ASXL2: variants seen among roughly 807,000 people sequenced by gnomAD.
ASXL2 encodes ASXL transcriptional regulator 2.
Under a neutral mutation model 122.0 loss-of-function variants are expected in ASXL2, and 23 were observed. The observed-to-expected ratio is 0.19, with a 90% CI of 0.14 to 0.27. The LOEUF (loss-of-function observed/expected upper bound fraction) is 0.27, where lower values mean the gene tolerates loss of function less well. Among genes scored for constraint, ASXL2 ranks in the 10% least tolerant of loss-of-function variants. The probability of loss-of-function intolerance (pLI) is 1.00; values close to 1 mark genes in which losing one functional copy is unlikely to be tolerated. For missense variants in ASXL2, 1,518 were observed against 1,713.8 expected (o/e 0.89, Z 2.02); for synonymous variants, 650 against 637.0 (o/e 1.02, Z -0.31).
At position 25,878,430 on chromosome 2, in the gene ASXL2, C is replaced by CTGCTACCGCCGCTGCCAT; in HGVS notation, c.-226_-209dup. On this transcript the variant is annotated 5_prime_UTR_variant, in exon 1 of 13. It adds an upstream start codon to the 5' untranslated region. Coordinates refer to ENST00000435504, the MANE Select transcript of ASXL2 (RefSeq NM_018263.6). ...GCCGGTCCTCTTGCTGCCGTTGCCA[C>CTGCTACCGCCGCTGCCAT]TGCTACCGCCGCTGCCATATTGGGT... 1.7e-6 allele frequency: 1 copy of CTGCTACCGCCGCTGCCAT among 597,240 alleles called. No individual in the cohort carries two copies. The highest frequency in any genetic ancestry group is 3.0e-5 in the Admixed American group (1 of 33,374). 37.0% of individuals were successfully genotyped at this position (597,240 alleles called of 1,614,324 possible).
chr2:25,778,503 GCTCA>G (rs2088582793), intron 5 of ASXL2, among the ~76,000 whole-genome samples: 1 of 152,140 alleles, frequency 6.6e-6, no homozygotes, highest in Non-Finnish European at 1.5e-5. Flanking sequence ...TGCTTAAGCC[GCTCA>G]CTGTGTGATA....
chr2:25,833,593 G>C (rs2089478093), intron 3 of ASXL2, among the ~76,000 whole-genome samples: 2 of 152,120 alleles, frequency 1.3e-5, no homozygotes, highest in South Asian at 4.1e-4. Flanking sequence ...TTACTCAGGT[G>C]GCTGAGGCAG....
chr2:25,770,720 G>A (rs114144984), intron 6 of ASXL2, among the ~76,000 whole-genome samples: 3,717 of 152,034 alleles, frequency 0.024, 63 homozygotes, highest in African/African-American at 0.044. Context: ...GCGAAACTCC[G>A]TCTCAAAAAA....
intron 11 of ASXL2, among the ~76,000 whole-genome samples, chr2:25,750,881 C>T (rs1021412161): frequency 3.4e-4 from 51 of 152,156 alleles, no homozygotes; most frequent in Non-Finnish European, 1.3e-4. Flanking sequence ...TTGTGGTCAA[C>T]TCTTCTCTGC....
At chr2:25,854,893 G>A (rs1559529334) in intron 1 of ASXL2, among the ~76,000 whole-genome samples, 1 of 152,120 alleles carries the variant, frequency 6.6e-6, no homozygotes, top group Non-Finnish European at 1.5e-5. Flanking sequence ...TGCTGCCAGT[G>A]TCTGTCTTGA....
At chr2:25,869,139 TGG>T (rs1277711393) in intron 1 of ASXL2, among the ~76,000 whole-genome samples, 1 of 143,834 alleles carries the variant, frequency 7.0e-6, no homozygotes, top group Non-Finnish European at 1.5e-5. Context: ...CACTCCAGCC[TGG>T]GGGACAAGAA....
In ASXL2 at chr2:25,878,330, AAAGGG is replaced by A. The variant is rs1461305352; in HGVS notation, c.-113_-109del. The A allele has an allele frequency of 7.9e-7, 1 of 1,263,146 alleles. No individual in the cohort carries two copies. The highest frequency in any genetic ancestry group is 1.1e-6 in the Non-Finnish European group (1 of 885,854). 78.2% of individuals were successfully genotyped at this position (1,263,146 alleles called of 1,614,324 possible). On this transcript the variant is annotated 5_prime_UTR_variant, in exon 1 of 13. Coordinates refer to ENST00000435504, the MANE Select transcript of ASXL2 (RefSeq NM_018263.6). ...CCGCGGTGCCGGGAAAGGTGGGAGA[AAAGGG>A]AAGTCAGACCGGGGGGGCACCCAAG...
Position 25,742,478 on chromosome 2 carries a change from C to T in ASXL2, c.3859G>A (p.Glu1287Lys), listed in dbSNP as rs756290348. Residue 1287 changes from glutamate to lysine, a missense_variant, in exon 13 of 13, where the codon GAG (glutamate) becomes AAG (lysine). Physicochemically the swap from Glu to Lys is moderately conservative, Grantham distance 56. Coordinates refer to ENST00000435504, the MANE Select transcript of ASXL2 (RefSeq NM_018263.6). ...GGAAGAACAGTAGAACTGAAAAGCTCGGGGCTGCTACGGATTGCCTTACCT... is the reference window on the plus strand; with the variant it reads ...GGAAGAACAGTAGAACTGAAAAGCTTGGGGCTGCTACGGATTGCCTTACCT... ...VRGKAIRSSP[E>K]LFSSTVLPLP... is the part of the protein sequence containing the mutation. 1.6e-5 allele frequency: 26 copies of T among 1,613,370 alleles called. No individual in the cohort carries two copies. Among genetic ancestry groups the T allele is most frequent in the East Asian group, 2.2e-5 (1 of 44,866 alleles).
rs377352572 is a variant in ASXL2 at position 25,742,892 on chromosome 2, G to C, written c.3445C>G (p.Arg1149Gly). 6 of 1,613,910 alleles carry C rather than the reference G, an allele frequency of 3.7e-6. No homozygotes were observed. Among genetic ancestry groups the C allele is most frequent in the Admixed American group, 1.7e-5 (1 of 60,014 alleles). ...TCAGTGGGGCTGCTTAGACAAAAAC[G>C]ATCTTCAGGGTTTACAGAATGGGTC... ...RRTHSVNPED[R>G]FCLSSPTEAL... The change falls in exon 13 of 13, where the codon CGT becomes GGT. Residue 1149 changes from arginine (R) to glycine (G), a missense_variant. Arg to Gly is a moderately radical substitution (Grantham distance 125). Coordinates refer to ENST00000435504, the MANE Select transcript of ASXL2 (RefSeq NM_018263.6).
chr2:25,836,074 T>A (rs2089507494), intron 2 of ASXL2, among the ~76,000 whole-genome samples: 2 of 152,170 alleles, frequency 1.3e-5, no homozygotes, highest in African/African-American at 4.8e-5. Context: ...CCTACCAGGT[T>A]TGTGGGCTTG....
At chr2:25,797,954 T>C (rs1224824998) in intron 5 of ASXL2, among the ~76,000 whole-genome samples, 2 of 152,242 alleles carry the variant, frequency 1.3e-5, no homozygotes, top group Non-Finnish European at 2.9e-5. Context: ...AGCAGCTTTA[T>C]TCATAATTGC....
At chr2:25,827,184 C>G (rs892820533) in intron 3 of ASXL2, among the ~76,000 whole-genome samples, 2 of 152,036 alleles carry the variant, frequency 1.3e-5, no homozygotes, top group African/African-American at 4.8e-5. Context: ...ATTGTATCTA[C>G]AATCTTTCAT....
chr2:25,856,662 A>G, intron 1 of ASXL2: 1 of 1,264,688 alleles, frequency 7.9e-7, no homozygotes. Flanking sequence ...GTGGTGGCTC[A>G]CCATCAACCC....
In ASXL2 at chr2:25,744,309, A is replaced by G. The variant is rs988264571; in HGVS notation, c.2028T>C (p.Ala676=). 1.9e-6 allele frequency: 3 copies of G among 1,610,926 alleles called. No homozygotes were observed. Among genetic ancestry groups the G allele is most frequent in the Non-Finnish European group, 1.7e-6 (2 of 1,179,008 alleles). ...AGGCGGCTGCAGCAGCTGCGGCGGCAGCGGCAGCTGCTGCCCTCTGTGCTT... is the reference window on the plus strand; with the variant it reads ...AGGCGGCTGCAGCAGCTGCGGCGGCGGCGGCAGCTGCTGCCCTCTGTGCTT... ...LVKAQRAAAA[A]AAAAAAAASV... is the part of the protein sequence containing the mutation. The change falls in exon 13 of 13, where the codon GCT becomes GCC. Residue 676 remains alanine, a synonymous_variant. Transcript: ENST00000435504. This position sits in a 1 kb window ranked among gnomAD's most constrained non-coding sequence, Gnocchi z 4.7.
At chr2:25,862,576 G>A (rs1403533116) in intron 1 of ASXL2, among the ~76,000 whole-genome samples, 2 of 152,074 alleles carry the variant, frequency 1.3e-5, no homozygotes, top group Non-Finnish European at 1.5e-5. Flanking sequence ...AGGTGTTAAG[G>A]ATAAAGAATA....
intron 1 of ASXL2, among the ~76,000 whole-genome samples, chr2:25,850,418 G>C (rs1282480771): frequency 2.6e-5 from 4 of 152,162 alleles, no homozygotes; most frequent in Admixed American, 2.0e-4. Flanking sequence ...AAACTGTATT[G>C]TAGTTACACA....
At position 25,743,250 on chromosome 2, in the gene ASXL2, G is replaced by T; in HGVS notation, c.3087C>A (p.Leu1029=). ...GCTGAAGGGGCCTTGGAACCTGGGG[G>T]AGCTGCTTACTTTGCAAGGTTTTGC... The part of the protein sequence containing the change: ...QLGKTLQSKQ[L]PQVPRPLQLF... Residue 1029 remains leucine, a synonymous_variant, in exon 13 of 13, where the codon CTC becomes CTA. Coordinates refer to ENST00000435504, the MANE Select transcript of ASXL2 (RefSeq NM_018263.6). 2.5e-6 allele frequency: 4 copies of T among 1,613,650 alleles called. No individual in the cohort carries two copies. Among genetic ancestry groups the T allele is most frequent in the Non-Finnish European group, 2.5e-6 (3 of 1,179,696 alleles).
intron 5 of ASXL2, among the ~76,000 whole-genome samples, chr2:25,791,466 G>A (rs1332896094): frequency 5.4e-5 from 8 of 147,468 alleles, no homozygotes; most frequent in African/African-American, 1.3e-4. Context: ...CAGCCTGGGC[G>A]ACAAGAGCAA....
intron 6 of ASXL2, among the ~76,000 whole-genome samples, chr2:25,770,124 G>A (rs892287009): frequency 2.6e-5 from 4 of 152,214 alleles, no homozygotes; most frequent in Admixed American, 2.0e-4. Context: ...CAGGACACAT[G>A]TAATTTCAGG....
Sources: gnomAD v4.1 joint callset for allele counts (sites outside exome capture counted in the v4.1 genomes callset) on GRCh38, gnomAD v4.1.1 for gene constraint, Gnocchi (gnomAD v3.1) non-coding constraint, MANE v1.5 for transcripts, NCBI Gene and HGNC (gene_info 2026-07-23, HGNC 2026-07-21) for gene names.